The following SCN11A variants were observed in gnomAD, a reference collection of about 807,000 sequenced individuals.
The protein encoded by SCN11A is sodium voltage-gated channel alpha subunit 11.
In SCN11A, 122 loss-of-function variants were observed where a neutral mutation model predicts 162.2. The observed-to-expected ratio is 0.75, with a 90% CI of 0.65 to 0.87. The LOEUF (loss-of-function observed/expected upper bound fraction) is 0.87, where lower values mean the gene tolerates loss of function less well. Among genes scored for constraint, SCN11A ranks in the 40% least tolerant of loss-of-function variants. The probability of loss-of-function intolerance (pLI) is 0.00; values close to 1 mark genes in which losing one functional copy is unlikely to be tolerated. For synonymous variants in SCN11A, 758 were observed against 751.5 expected (o/e 1.01, Z -0.14); for missense variants, 2,015 against 2,181.6 (o/e 0.92, Z 1.52).
chr3:38,889,932 AC>A (rs2065471297), intron 19 of SCN11A, among the ~76,000 whole-genome samples: 1 of 151,876 alleles, frequency 6.6e-6, no homozygotes, highest in South Asian at 2.1e-4. Context: ...AAATGATTAC[AC>A]CACCATGAAA....
chr3:38,863,319 G>T lies in SCN11A; in HGVS notation c.3952-20C>A. On this transcript the variant is annotated intron_variant, in intron 27 of 29. Coordinates refer to ENST00000302328, the MANE Select transcript of SCN11A (RefSeq NM_001349253.2). ...ACCTAAGTATATGGAGAAGATAAGAGCTAATTACCTTTAACAGTTTTTTTT... is the reference window on the plus strand; with the variant it reads ...ACCTAAGTATATGGAGAAGATAAGATCTAATTACCTTTAACAGTTTTTTTT... 8.0e-7 allele frequency: 1 copy of T among 1,254,248 alleles called. No homozygotes were observed. The highest frequency in any genetic ancestry group is 1.2e-6 in the Non-Finnish European group (1 of 867,788). 77.7% of individuals were successfully genotyped at this position (1,254,248 alleles called of 1,614,324 possible).
intron 6 of SCN11A, among the ~76,000 whole-genome samples, chr3:38,945,914 T>A (rs556725360): frequency 7.9e-5 from 12 of 152,286 alleles, no homozygotes; most frequent in Non-Finnish European, 1.8e-4. Flanking sequence ...ACTCCTCTGT[T>A]AAATCACTTA....
At chr3:38,944,993 G>T (rs912088792) in intron 7 of SCN11A, among the ~76,000 whole-genome samples, 4 of 151,988 alleles carry the variant, frequency 2.6e-5, no homozygotes, top group South Asian at 4.2e-4. Flanking sequence ...AAAAAGAATA[G>T]CTTTATTTTT....
chr3:38,992,007 C>T (rs955225436), intron 2 of SCN11A, among the ~76,000 whole-genome samples: 2 of 151,982 alleles, frequency 1.3e-5, no homozygotes, highest in Non-Finnish European at 2.9e-5. Context: ...CGGGGTTTTA[C>T]CATGTTGGCC....
At chr3:38,856,238 A>C (rs1280263553) in intron 28 of SCN11A, among the ~76,000 whole-genome samples, 2 of 152,204 alleles carry the variant, frequency 1.3e-5, no homozygotes, top group Non-Finnish European at 2.9e-5. Context: ...ACTTCACTGC[A>C]GACACAGCTG....
At chr3:38,888,570 A>G (rs1210541448) in intron 19 of SCN11A, among the ~76,000 whole-genome samples, 1 of 152,256 alleles carries the variant, frequency 6.6e-6, no homozygotes, top group Non-Finnish European at 1.5e-5. Flanking sequence ...ATACATATAG[A>G]ATTTAATAAA....
chr3:38,904,205 A>G, intron 15 of SCN11A, 102 bp from the exon 16 acceptor site: 1 of 663,820 alleles, frequency 1.5e-6, no homozygotes, highest in Non-Finnish European at 2.5e-6. Context: ...GGGCCTCCTG[A>G]TACATGATCA....
intron 22 of SCN11A, among the ~76,000 whole-genome samples, chr3:38,881,022 C>T (rs930465249): frequency 6.6e-6 from 1 of 152,170 alleles, no homozygotes; most frequent in Non-Finnish European, 1.5e-5. Flanking sequence ...GCCCACAGCT[C>T]CAAAGTCCTG....
Position 39,035,086 on chromosome 3 carries a change from T to TA in SCN11A, c.-403-2584dup, listed in dbSNP as rs370500490. Among the ~76,000 whole-genome samples, 825 of 150,588 alleles carry TA rather than the reference T, an allele frequency of 5.5e-3. 7 individuals carry two copies. The highest frequency in any genetic ancestry group is 0.019 in the African/African-American group (775 of 41,016). On this transcript the variant is annotated intron_variant, in intron 1 of 29. Transcript: ENST00000302328. The stretch of plus-strand genomic sequence containing the variant: ...ATAACAATAACATTCTTCACAGAAA[T>TA]AAAAAAAAATCCTAAAATTTATACG...
chr3:38,893,778 C>A, intron 19 of SCN11A, among the ~76,000 whole-genome samples: 1 of 150,584 alleles, frequency 6.6e-6, no homozygotes, highest in Non-Finnish European at 1.5e-5. Flanking sequence ...AAGAAGAAAT[C>A]ATAAGAAGAA....
At chr3:39,032,671 A>G (rs1404482151) in intron 1 of SCN11A, among the ~76,000 whole-genome samples, 168 bp from the exon 2 acceptor site, 1 of 152,200 alleles carries the variant, frequency 6.6e-6, no homozygotes, top group African/African-American at 2.4e-5. Flanking sequence ...GAGACAGTTG[A>G]CTCTAGGAAA....
chr3:38,861,649 C>G (rs1365725877), intron 28 of SCN11A, among the ~76,000 whole-genome samples: 3 of 152,150 alleles, frequency 2.0e-5, no homozygotes, highest in Admixed American at 1.3e-4. Context: ...GAAAGGACAC[C>G]CTATCCCACA....
intron 18 of SCN11A, among the ~76,000 whole-genome samples, chr3:38,895,384 T>G (rs528816218): frequency 3.3e-5 from 5 of 152,372 alleles, no homozygotes; most frequent in Admixed American, 3.3e-4. Flanking sequence ...CTTTCTTATT[T>G]GAATATTTGT....
intron 2 of SCN11A, among the ~76,000 whole-genome samples, chr3:38,987,139 G>A (rs2030275907): frequency 6.6e-6 from 1 of 152,040 alleles, no homozygotes; most frequent in African/African-American, 2.4e-5. Context: ...ATCTTTGGAA[G>A]GGAGGATGGG....
At chr3:38,908,186 C>A in intron 13 of SCN11A, 64 bp from the exon 14 acceptor site, 2 of 1,441,420 alleles carry the variant, frequency 1.4e-6, no homozygotes, top group East Asian at 2.3e-5. Flanking sequence ...TTGCAAATGA[C>A]CCCGACCTGA....
intron 28 of SCN11A, among the ~76,000 whole-genome samples, chr3:38,855,909 C>A (rs750102382): frequency 5.3e-5 from 8 of 152,198 alleles, no homozygotes; most frequent in Non-Finnish European, 1.0e-4. Flanking sequence ...AAACATTCCC[C>A]AGCACCACCC....
In SCN11A at chr3:38,905,248, G is replaced by A. The variant is rs1322179555; in HGVS notation, c.1547C>T (p.Pro516Leu). ...ACTCAGTGCTCTCTGCCTTTGGAGA[G>A]GATCTCCATGCTCATCAAAGTGGTC... ...SLDHFDEHGD[P>L]LQRQRALSAV... is the part of the protein sequence containing the mutation. The change falls in exon 15 of 30, where the codon CCT (proline) becomes CTT (leucine). Residue 516 changes from proline (P) to leucine (L), a missense_variant. Coordinates refer to ENST00000302328, the MANE Select transcript of SCN11A (RefSeq NM_001349253.2). The A allele has an allele frequency of 1.9e-6, 3 of 1,613,806 alleles. No homozygotes were observed. In the African/African-American group the frequency reaches 4.0e-5, roughly 22 times the overall value.
At chr3:38,887,152 G>A (rs9867831) in intron 19 of SCN11A, among the ~76,000 whole-genome samples, 15,653 of 151,972 alleles carry the variant, frequency 0.1, 1,408 homozygotes, top group African/African-American at 0.24. Flanking sequence ...TAGAAGCTTC[G>A]AGAGTCAGAT....
At chr3:38,969,197 T>C (rs754450730) in intron 2 of SCN11A, among the ~76,000 whole-genome samples, 6 of 152,200 alleles carry the variant, frequency 3.9e-5, no homozygotes, top group Non-Finnish European at 5.9e-5. Context: ...CAAGTCTACA[T>C]GGAGGCCCAG....
Sources: gnomAD v4.1 joint callset for allele counts (sites outside exome capture counted in the v4.1 genomes callset) on GRCh38, gnomAD v4.1.1 for gene constraint, MANE v1.5 for transcripts, NCBI Gene and HGNC (gene_info 2026-07-23, HGNC 2026-07-21) for gene names.